SPAG16: variants seen among roughly 807,000 people sequenced by gnomAD.
The protein encoded by SPAG16 is sperm-associated antigen 16 protein.
In SPAG16, 86 loss-of-function variants were observed where a neutral mutation model predicts 80.4. The ratio of observed to expected loss-of-function variants is 1.07; its 90% CI spans 0.90 to 1.28. The LOEUF is 1.28. Among genes scored for constraint, SPAG16 ranks in the 50% most tolerant of loss-of-function variants. The probability of loss-of-function intolerance (pLI) is 0.00; values close to 1 mark genes in which losing one functional copy is unlikely to be tolerated. For synonymous variants in SPAG16, 294 were observed against 265.9 expected, an observed-to-expected ratio of 1.11 and a Z score of -1.03; for missense variants, 870 against 765.3, an observed-to-expected ratio of 1.14 and a Z score of -1.61.
intron 11 of SPAG16, among the ~76,000 whole-genome samples, chr2:213,871,282 G>C (rs182534586): frequency 3.6e-4 from 55 of 152,164 alleles, no homozygotes; most frequent in Non-Finnish European, 7.4e-4. Flanking sequence ...CATAAAAGCA[G>C]AGAGAATATG....
chr2:213,383,215 C>T (rs2067262954), intron 9 of SPAG16, among the ~76,000 whole-genome samples: 1 of 152,128 alleles, frequency 6.6e-6, no homozygotes, highest in Non-Finnish European at 1.5e-5. Flanking sequence ...TATGTATAAA[C>T]ACTTTATACA....
At chr2:214,069,993 T>A (rs1408263264) in intron 13 of SPAG16, among the ~76,000 whole-genome samples, 1 of 152,048 alleles carries the variant, frequency 6.6e-6, no homozygotes, top group Non-Finnish European at 1.5e-5. Flanking sequence ...ATAGTTAAGT[T>A]TATTTTTATA....
At chr2:214,147,209 A>G (rs1021303050) in intron 14 of SPAG16, among the ~76,000 whole-genome samples, 2 of 152,186 alleles carry the variant, frequency 1.3e-5, no homozygotes, top group African/African-American at 2.4e-5. Flanking sequence ...ACTCACTTTC[A>G]TATTATCAAA....
chr2:213,773,899 A>G (rs2662682), intron 10 of SPAG16, among the ~76,000 whole-genome samples: 9,681 of 152,206 alleles, frequency 0.064, 1,021 homozygotes, highest in African/African-American at 0.22. Flanking sequence ...ACTCTTGTCT[A>G]TCTGGTCCTC....
chr2:213,613,666 T>G (rs1182440460), intron 10 of SPAG16, among the ~76,000 whole-genome samples: 1 of 152,196 alleles, frequency 6.6e-6, no homozygotes, highest in Non-Finnish European at 1.5e-5. Flanking sequence ...TAGCACATAT[T>G]TTTTAGTTAG....
intron 15 of SPAG16, among the ~76,000 whole-genome samples, chr2:214,288,208 T>C (rs1220880822): frequency 2.0e-5 from 3 of 152,176 alleles, no homozygotes; most frequent in Admixed American, 6.5e-5. Flanking sequence ...TCTCACTTAA[T>C]GTAACAACTT....
At chr2:214,344,113 C>T (rs1211696925) in intron 15 of SPAG16, among the ~76,000 whole-genome samples, 2 of 152,066 alleles carry the variant, frequency 1.3e-5, no homozygotes, top group Admixed American at 1.3e-4. Context: ...AAATGCTGTT[C>T]TATATTCAAG....
chr2:213,347,793 G>A (rs1017305263), intron 6 of SPAG16, among the ~76,000 whole-genome samples: 1 of 152,172 alleles, frequency 6.6e-6, no homozygotes, highest in Non-Finnish European at 1.5e-5. Context: ...GATGAGGAGT[G>A]CTTTACTTCC....
chr2:213,661,738 A>G (rs1339256856), intron 10 of SPAG16, among the ~76,000 whole-genome samples: 2 of 152,174 alleles, frequency 1.3e-5, no homozygotes, highest in Non-Finnish European at 2.9e-5. Flanking sequence ...TTTTAATGAT[A>G]ATGTTATTGT....
intron 10 of SPAG16, among the ~76,000 whole-genome samples, chr2:213,842,206 A>T (rs1006235940): frequency 6.6e-6 from 1 of 152,188 alleles, no homozygotes; most frequent in Non-Finnish European, 1.5e-5. Flanking sequence ...ATAGAGAAGC[A>T]TCTACTGGAT....
intron 6 of SPAG16, among the ~76,000 whole-genome samples, chr2:213,343,492 G>A (rs931359130): frequency 6.6e-6 from 1 of 152,054 alleles, no homozygotes; most frequent in Non-Finnish European, 1.5e-5. Context: ...TTTATCTATA[G>A]ATATATCTAG....
chr2:213,892,157 A>G (rs968658486), intron 11 of SPAG16, among the ~76,000 whole-genome samples: 1 of 151,868 alleles, frequency 6.6e-6, no homozygotes, highest in Non-Finnish European at 1.5e-5. Flanking sequence ...AGAACACAAA[A>G]CCCTAGACAG....
intron 15 of SPAG16, chr2:214,281,006 G>T: frequency 2.4e-6 from 1 of 413,628 alleles, no homozygotes; most frequent in Non-Finnish European, 4.7e-6. Flanking sequence ...GTAAGGGATA[G>T]ACAAACCTCC....
At chr2:213,316,626 G>C (rs2063410882) in intron 4 of SPAG16, among the ~76,000 whole-genome samples, 3 of 152,030 alleles carry the variant, frequency 2.0e-5, no homozygotes, top group Admixed American at 2.0e-4. Context: ...GACACTCCAG[G>C]TACCCTGGCT....
At chr2:214,229,349 G>C (rs1912180) in intron 15 of SPAG16, among the ~76,000 whole-genome samples, 20,454 of 151,566 alleles carry the variant, frequency 0.13, 1,427 homozygotes, top group Middle Eastern at 0.23. Flanking sequence ...CATAAAAATA[G>C]CTAAAGATGT....
intron 12 of SPAG16, among the ~76,000 whole-genome samples, chr2:213,994,810 A>C (rs1196992467): frequency 6.6e-6 from 1 of 152,152 alleles, no homozygotes; most frequent in East Asian, 1.9e-4. Context: ...TAAAGAACAA[A>C]TCCAAAGACA....
chr2:214,149,719 C>G (rs2055882305), intron 15 of SPAG16, among the ~76,000 whole-genome samples: 1 of 152,006 alleles, frequency 6.6e-6, no homozygotes, highest in Non-Finnish European at 1.5e-5. Flanking sequence ...GAGTTTACAA[C>G]TAATTTGAGA....
At chr2:213,888,711 A>G (rs1012657759) in intron 11 of SPAG16, among the ~76,000 whole-genome samples, 1 of 151,890 alleles carries the variant, frequency 6.6e-6, no homozygotes, top group Non-Finnish European at 1.5e-5. Context: ...TTGACATCAT[A>G]TTGCCATTGT....
chr2:213,947,190 C>A (rs76605858), intron 12 of SPAG16, among the ~76,000 whole-genome samples: 1,614 of 152,212 alleles, frequency 0.011, 37 homozygotes, highest in African/African-American at 0.036. Flanking sequence ...CATAAGTCTT[C>A]ATTTCTCTAG....
Sources: gnomAD v4.1 joint callset for allele counts (sites outside exome capture counted in the v4.1 genomes callset) on GRCh38, gnomAD v4.1.1 for gene constraint, MANE v1.5 for transcripts, NCBI Gene and HGNC (gene_info 2026-07-23, HGNC 2026-07-21) for gene names.